TNFRSF10C: variants seen among roughly 807,000 people sequenced by gnomAD.
The protein encoded by TNFRSF10C is tumor necrosis factor receptor superfamily member 10C.
In TNFRSF10C, 17 loss-of-function variants were observed where a neutral mutation model predicts 16.7. The ratio of observed to expected loss-of-function variants is 1.02; its 90% confidence interval spans 0.70 to 1.53. The LOEUF (loss-of-function observed/expected upper bound fraction) is 1.53, where lower values mean the gene tolerates loss of function less well. Among genes scored for constraint, TNFRSF10C ranks in the 40% most tolerant of loss-of-function variants. The probability of loss-of-function intolerance (pLI) is 0.00; values close to 1 mark genes in which losing one functional copy is unlikely to be tolerated. For missense variants in TNFRSF10C, 237 were observed against 329.7 expected (o/e 0.72, Z 2.18); for synonymous variants, 73 against 119.7 (o/e 0.61, Z 2.55).
chr8:23,108,871 C>T (rs1813825350), intron 1 of TNFRSF10C, among the ~76,000 whole-genome samples: 2 of 152,236 alleles, frequency 1.3e-5, no homozygotes, highest in African/African-American at 2.4e-5. Context: ...AGGTTCTGGG[C>T]TATAAAACAC....
intron 1 of TNFRSF10C, among the ~76,000 whole-genome samples, chr8:23,106,423 A>C (rs61606133): frequency 0.028 from 3,888 of 137,388 alleles, 181 homozygotes; most frequent in African/African-American, 0.1. Context: ...ATGCCCCCCC[A>C]CCCGATTTTT....
chr8:23,114,636 G>A, intron 2 of TNFRSF10C, 21 bp from the exon 3 acceptor site: 1 of 1,596,282 alleles, frequency 6.3e-7, no homozygotes, highest in Non-Finnish European at 8.6e-7. Context: ...CTCATTCATT[G>A]GCTTTTCTCT....
At chr8:23,116,198 C>T (rs1008849163) in intron 4 of TNFRSF10C, among the ~76,000 whole-genome samples, 1 of 152,188 alleles carries the variant, frequency 6.6e-6, no homozygotes, top group Non-Finnish European at 1.5e-5. Context: ...GCTTTAAGGG[C>T]CAAGAGTAAT....
chr8:23,109,157 G>T (rs909724715), intron 1 of TNFRSF10C, among the ~76,000 whole-genome samples: 3 of 152,172 alleles, frequency 2.0e-5, no homozygotes, highest in African/African-American at 7.2e-5. Flanking sequence ...AGTTACTGCT[G>T]AAGGGTATGT....
At chr8:23,116,543 C>T (rs1263097314) in intron 4 of TNFRSF10C, 98 bp from the exon 5 acceptor site, 2 of 1,482,090 alleles carry the variant, frequency 1.3e-6, no homozygotes, top group East Asian at 4.5e-5. Context: ...CCCCTGACAC[C>T]TTCTCAGGGA....
rs1814013676 is a variant in TNFRSF10C, at chr8:23,117,437, A to C, written c.*406A>C. ...TTTATTCAGCCTTGGTCAGAGCAGA[A>C]CACAGAGATTTTCCGTGTGTTGGTT... is the stretch of plus-strand genomic sequence containing the variant. On this transcript the variant is annotated 3_prime_UTR_variant, in exon 5 of 5. Coordinates refer to ENST00000356864, the MANE Select transcript of TNFRSF10C (RefSeq NM_003841.5). 4.1e-6 allele frequency: 1 copy of C among 242,146 alleles called. No homozygotes were observed. The highest frequency in any genetic ancestry group is 8.1e-6 in the Non-Finnish European group (1 of 124,132). The allele number at this position is 242,146 out of a possible 1,614,324, so 15.0% of individuals were successfully genotyped here. A position where few individuals can be genotyped will look rare whatever the true frequency, so the allele number is the denominator to read the frequency against.
In TNFRSF10C at chr8:23,117,085, C is replaced by G; in HGVS notation, c.*54C>G. On this transcript the variant is annotated 3_prime_UTR_variant, in exon 5 of 5. Coordinates refer to ENST00000356864, the MANE Select transcript of TNFRSF10C (RefSeq NM_003841.5). ...CTTACCTGAAAGGTTCAGGTAGGCGCTGGCTGAGGGCGGGGGGCGCTGGAC... is the reference window on the plus strand; with the variant it reads ...CTTACCTGAAAGGTTCAGGTAGGCGGTGGCTGAGGGCGGGGGGCGCTGGAC... The G allele has an allele frequency of 1.9e-6, 3 of 1,588,314 alleles. No individual in the cohort carries two copies. Among genetic ancestry groups the G allele is most frequent in the Non-Finnish European group, 2.6e-6 (3 of 1,168,618 alleles).
Position 23,115,491 on chromosome 8 carries a change from T to G in TNFRSF10C, c.281-17T>G. 1 of 1,606,636 alleles carries G rather than the reference T, an allele frequency of 6.2e-7. No homozygotes were observed. The highest frequency in any genetic ancestry group is 2.2e-5 in the East Asian group (1 of 44,748). The stretch of plus-strand genomic sequence containing the variant: ...ATCAGGGAAACACATTCCCAAAACC[T>G]TATGCTCTGTTGTCAGATCAAAAAC... On this transcript the variant is annotated splice_polypyrimidine_tract_variant and intron_variant, in intron 3 of 4. Coordinates refer to ENST00000356864, the MANE Select transcript of TNFRSF10C (RefSeq NM_003841.5).
chr8:23,109,600 G>A (rs1451844368), intron 1 of TNFRSF10C, among the ~76,000 whole-genome samples: 1 of 150,782 alleles, frequency 6.6e-6, no homozygotes, highest in Non-Finnish European at 1.5e-5. Context: ...TTGTGCCACT[G>A]CACTCCGGCC....
chr8:23,104,272 T>G (rs1278798234), intron 1 of TNFRSF10C, among the ~76,000 whole-genome samples: 1 of 152,250 alleles, frequency 6.6e-6, no homozygotes, highest in Non-Finnish European at 1.5e-5. Context: ...CTTGCCTTAT[T>G]AAATGCATTT....
chr8:23,116,199 C>T (rs1418826608), intron 4 of TNFRSF10C, among the ~76,000 whole-genome samples: 2 of 152,160 alleles, frequency 1.3e-5, no homozygotes, highest in African/African-American at 4.8e-5. Context: ...CTTTAAGGGC[C>T]AAGAGTAATT....
chr8:23,113,871 G>A (rs1447291452), intron 2 of TNFRSF10C, among the ~76,000 whole-genome samples: 2 of 151,560 alleles, frequency 1.3e-5, no homozygotes, highest in African/African-American at 2.4e-5. Flanking sequence ...CAGAAAAATC[G>A]CTTGAACCAG....
At chr8:23,104,752 C>T (rs1176853637) in intron 1 of TNFRSF10C, among the ~76,000 whole-genome samples, 1 of 152,192 alleles carries the variant, frequency 6.6e-6, no homozygotes, top group Non-Finnish European at 1.5e-5. Flanking sequence ...TAACACATCA[C>T]ATTGCTATGT....
At position 23,103,064 on chromosome 8, in the gene TNFRSF10C, G is replaced by T. The variant is rs1465442741; in HGVS notation, c.-58G>T. ...ACTCTGGGGACAGAGCGCCCCGGCC[G>T]CCTGATGGCCGAGGCAGGGTGCGAC... On this transcript the variant is annotated 5_prime_UTR_variant, in exon 1 of 5. Coordinates refer to ENST00000356864, the MANE Select transcript of TNFRSF10C (RefSeq NM_003841.5). 1.9e-6 allele frequency: 3 copies of T among 1,587,268 alleles called. No homozygotes were observed. Among genetic ancestry groups the T allele is most frequent in the African/African-American group, 2.7e-5 (2 of 74,686 alleles).
At chr8:23,106,347 C>G (rs1813775326) in intron 1 of TNFRSF10C, among the ~76,000 whole-genome samples, 1 of 151,810 alleles carries the variant, frequency 6.6e-6, no homozygotes, top group South Asian at 2.1e-4. Flanking sequence ...TACTGTTGGC[C>G]TGGAAGATGT....
chr8:23,105,040 C>T (rs12546238), intron 1 of TNFRSF10C, among the ~76,000 whole-genome samples: 15,907 of 152,152 alleles, frequency 0.1, 1,127 homozygotes, highest in East Asian at 0.32. Context: ...CTGGGCTGGT[C>T]CAATCTGTGC....
At chr8:23,114,598 C>G (rs1813940555) in intron 2 of TNFRSF10C, 59 bp from the exon 3 acceptor site, 1 of 1,424,824 alleles carries the variant, frequency 7.0e-7, no homozygotes, top group Non-Finnish European at 9.9e-7. Context: ...TTCCCCACCA[C>G]TGTCAGCCTC....
chr8:23,103,103 C>G lies in TNFRSF10C; in HGVS notation c.-19C>G. The stretch of plus-strand genomic sequence containing the variant: ...GCAGGGTGCGACCCAGGACCCAGGA[C>G]GGCGTCGGGAACCATACCATGGCCC... On this transcript the variant is annotated 5_prime_UTR_variant, in exon 1 of 5. Coordinates refer to ENST00000356864, the MANE Select transcript of TNFRSF10C (RefSeq NM_003841.5). The G allele has an allele frequency of 6.2e-7, 1 of 1,608,266 alleles. No individual in the cohort carries two copies. Among genetic ancestry groups the G allele is most frequent in the Non-Finnish European group, 8.5e-7 (1 of 1,177,760 alleles).
intron 2 of TNFRSF10C, 65 bp from the exon 3 acceptor site, chr8:23,114,592 C>G: frequency 7.3e-7 from 1 of 1,369,436 alleles, no homozygotes; most frequent in South Asian, 1.2e-5. Flanking sequence ...AGAAGTTTCC[C>G]CACCACTGTC....
Sources: gnomAD v4.1 joint callset for allele counts (sites outside exome capture counted in the v4.1 genomes callset) on GRCh38, gnomAD v4.1.1 for gene constraint, MANE v1.5 for transcripts, NCBI Gene and HGNC (gene_info 2026-07-23, HGNC 2026-07-21) for gene names.